DLG5: variants seen among roughly 807,000 people sequenced by gnomAD.
DLG5 encodes discs large MAGUK scaffold protein 5.
DLG5 carries 48 observed loss-of-function variants against 189.8 expected under a neutral mutation model. The ratio of observed to expected loss-of-function variants is 0.25; its 90% CI spans 0.20 to 0.32. The LOEUF is 0.32. Among genes scored for constraint, DLG5 ranks in the 10% least tolerant of loss-of-function variants. The pLI is 1.00. For missense variants in DLG5, 2,160 were observed against 2,544.7 expected, an observed-to-expected ratio of 0.85 and a Z score of 3.25; for synonymous variants, 1,016 against 1,054.1, an observed-to-expected ratio of 0.96 and a Z score of 0.70.
chr10:77,797,821 C>G (rs1233184667), intron 27 of DLG5, among the ~76,000 whole-genome samples: 1 of 152,154 alleles, frequency 6.6e-6, no homozygotes, highest in Non-Finnish European at 1.5e-5. Flanking sequence ...TGAAGAGCAA[C>G]CTGTGGGCAA....
intron 1 of DLG5, among the ~76,000 whole-genome samples, chr10:77,873,171 C>T (rs980562071): frequency 1.1e-4 from 16 of 151,992 alleles, no homozygotes; most frequent in South Asian, 2.1e-4. Flanking sequence ...GAGCTTGAGG[C>T]CAAGTTTAGA....
At chr10:77,931,050 C>A (rs1197820821), upstream of DLG5, among the ~76,000 whole-genome samples, 1 of 151,904 alleles carries the variant, frequency 6.6e-6, no homozygotes, top group Middle Eastern at 3.2e-3. Context: ...GAACTCCCAA[C>A]CTCAGGTGAT....
rs55688664 is a variant in DLG5, at chr10:77,891,573, G to GACACACACAC, written c.305-22386_305-22377dup. Among the ~76,000 whole-genome samples the GACACACACAC allele has an allele frequency of 3.7e-3, 516 of 140,576 alleles. 3 individuals carry two copies. Among genetic ancestry groups the GACACACACAC allele is most frequent in the African/African-American group, 9.2e-3 (347 of 37,820 alleles). 92.2% of individuals were successfully genotyped at this position (140,576 alleles called of 152,430 possible). A position where few individuals can be genotyped will look rare whatever the true frequency, so the allele number is the denominator to read the frequency against. On this transcript the variant is annotated intron_variant, in intron 1 of 31. Transcript: ENST00000372391. ...GTGAGCTCACCTCTGTCCCCCAACA[G>GACACACACAC]ACACACACACACACACACACACACA... is the stretch of plus-strand genomic sequence containing the variant.
At chr10:77,878,985 T>C (rs1000940647) in intron 1 of DLG5, among the ~76,000 whole-genome samples, 1 of 152,212 alleles carries the variant, frequency 6.6e-6, no homozygotes, top group African/African-American at 2.4e-5. Flanking sequence ...GGTGAAGTAC[T>C]GGGATGCAGC....
At position 77,824,426 on chromosome 10, in the gene DLG5, C is replaced by A. The variant is rs140140384; in HGVS notation, c.2340G>T (p.Leu780=). 1,103 of 1,614,080 alleles carry A rather than the reference C, an allele frequency of 6.8e-4. No homozygotes were observed. The highest frequency in any genetic ancestry group is 8.9e-4 in the Non-Finnish European group (1,050 of 1,179,978). ...TCAGGGAGTCCTGGCAGCTGCGCAG[C>A]AGAGATTCACATTCATTCAGAGACT... ...DNKSLNECES[L]LRSCQDSLTL... is the part of the protein sequence containing the mutation. The change falls in exon 14 of 32, where the codon CTG becomes CTT. Residue 780 remains leucine, a synonymous_variant. Coordinates refer to ENST00000372391, the MANE Select transcript of DLG5 (RefSeq NM_004747.4).
chr10:77,810,872 G>A (rs992766672), intron 23 of DLG5, among the ~76,000 whole-genome samples: 2 of 152,092 alleles, frequency 1.3e-5, no homozygotes, highest in African/African-American at 2.4e-5. Context: ...AAGATGCAGG[G>A]GAAAAAACAA....
At chr10:77,802,300 C>A (rs543641158) in intron 27 of DLG5, among the ~76,000 whole-genome samples, 6 of 152,318 alleles carry the variant, frequency 3.9e-5, no homozygotes, top group South Asian at 2.1e-4. Flanking sequence ...ATCTTTAAAG[C>A]ACCCAAGTAA....
chr10:77,873,807 C>T (rs1038103667), intron 1 of DLG5, among the ~76,000 whole-genome samples: 4 of 152,136 alleles, frequency 2.6e-5, no homozygotes, highest in South Asian at 2.1e-4. Flanking sequence ...AGAGAGCTGA[C>T]GGCTCACGGT....
Position 77,811,948 on chromosome 10 carries a change from T to C in DLG5, c.4298A>G (p.Gln1433Arg). 6.2e-7 allele frequency: 1 copy of C among 1,607,844 alleles called. No homozygotes were observed. Among genetic ancestry groups the C allele is most frequent in the South Asian group, 1.1e-5 (1 of 91,058 alleles). Residue 1433 changes from glutamine to arginine, a missense_variant, in exon 22 of 32, where the codon CAG becomes CGG. Gln to Arg is a conservative substitution (Grantham distance 43). Transcript: ENST00000372391. Reference protein sequence around the residue: ...ILAQYNPHVHQLSSHSRSSSH... With the variant: ...ILAQYNPHVHRLSSHSRSSSH... ...CCTGGACCGGGAGTGGCTGCTGAGC[T>C]GGTGCACGTGGGGGTTGTACTGGGC...
At chr10:77,794,164 G>T in intron 30 of DLG5, 47 bp from the exon 31 acceptor site, 1 of 1,553,494 alleles carries the variant, frequency 6.4e-7, no homozygotes, top group Non-Finnish European at 8.9e-7. Flanking sequence ...CCTCCTCCAG[G>T]CCCTCTTTCC....
Position 77,796,456 on chromosome 10 carries a change from G to A in DLG5, c.5303C>T (p.Pro1768Leu). ...GGGTGCCCCGTGCCCCTTACCAAGG[G>A]GACATCTGCAGAACTTGCCAGGAGC... ...NEAPGKFCRC[P>L]LEVMKASQQA... The change falls in exon 28 of 32, where the codon CCC (proline) becomes CTC (leucine). Residue 1768 changes from proline (P) to leucine (L), a missense_variant. By Grantham distance (98) the Pro-to-Leu change is moderately conservative. Around this residue, in one of 5 missense-constraint regions of DLG5, gnomAD observed 574 missense variants for 644.2 expected, o/e 0.89. Coordinates refer to ENST00000372391, the MANE Select transcript of DLG5 (RefSeq NM_004747.4). This position sits in a 1 kb window ranked among gnomAD's most constrained non-coding sequence, Gnocchi z 5.2. 1 of 1,614,166 alleles carries A rather than the reference G, an allele frequency of 6.2e-7. No individual in the cohort carries two copies. Among genetic ancestry groups the A allele is most frequent in the Non-Finnish European group, 8.5e-7 (1 of 1,180,022 alleles).
rs1844076171 is a variant in DLG5 at position 77,853,416 on chromosome 10, T to G, written c.802A>C (p.Met268Leu). 1 of 1,608,548 alleles carries G rather than the reference T, an allele frequency of 6.2e-7. No homozygotes were observed. Among genetic ancestry groups the G allele is most frequent in the Non-Finnish European group, 8.5e-7 (1 of 1,177,408 alleles). ...RNLLQQSWEDMKRLHEEDQKE... is the reference protein window; with the variant it reads ...RNLLQQSWEDLKRLHEEDQKE... ...TGGTCCTCCTCGTGGAGCCGCTTCA[T>G]GTCCTCCCATGACTGCTGCAGCAGG... The change falls in exon 5 of 32, where the codon ATG becomes CTG. Residue 268 changes from methionine to leucine, a missense_variant. By Grantham distance (15) the Met-to-Leu change is conservative. Coordinates refer to ENST00000372391, the MANE Select transcript of DLG5 (RefSeq NM_004747.4).
intron 7 of DLG5, among the ~76,000 whole-genome samples, chr10:77,839,120 G>C (rs535979217): frequency 1.3e-5 from 2 of 152,210 alleles, no homozygotes; most frequent in Non-Finnish European, 2.9e-5. Flanking sequence ...ATTGCTGGAC[G>C]CCAGCACCAC....
intron 1 of DLG5, among the ~76,000 whole-genome samples, chr10:77,886,116 T>TG (rs1458457924): frequency 1.3e-5 from 2 of 152,170 alleles, no homozygotes; most frequent in African/African-American, 4.8e-5. Context: ...TTAAAAATGC[T>TG]GGAAAAAAAT....
Position 77,796,347 on chromosome 10 carries a change from G to T in DLG5, c.5308+104C>A. On this transcript the variant is annotated intron_variant, in intron 28 of 31. Coordinates refer to ENST00000372391, the MANE Select transcript of DLG5 (RefSeq NM_004747.4). This position sits in a 1 kb window ranked among gnomAD's most constrained non-coding sequence, Gnocchi z 5.2. ...AGGCTTCTGGAACACTGTGAAATCT[G>T]CCCCCCGGTACTGCCACCCACTGTG... 6.3e-7 allele frequency: 1 copy of T among 1,587,806 alleles called. No homozygotes were observed. Among genetic ancestry groups the T allele is most frequent in the Non-Finnish European group, 8.6e-7 (1 of 1,163,176 alleles).
chr10:77,892,701 C>T (rs1845645731), intron 1 of DLG5, among the ~76,000 whole-genome samples: 1 of 152,214 alleles, frequency 6.6e-6, no homozygotes, highest in Non-Finnish European at 1.5e-5. Context: ...ATCTCTGCTG[C>T]CCTAGCTTCC....
chr10:77,912,243 ATATC>A (rs1846245914), intron 1 of DLG5: 2 of 150,380 alleles, frequency 1.3e-5, no homozygotes, highest in African/African-American at 4.9e-5. Context: ...TTTTCTATTT[ATATC>A]TATCTATCAA....
chr10:77,893,950 G>A (rs1478947345), intron 1 of DLG5, among the ~76,000 whole-genome samples: 4 of 152,148 alleles, frequency 2.6e-5, no homozygotes, highest in Non-Finnish European at 5.9e-5. Flanking sequence ...CCCACAGGTG[G>A]ACTGATTTTT....
chr10:77,899,349 C>G (rs1019344191), intron 1 of DLG5, among the ~76,000 whole-genome samples: 3 of 152,232 alleles, frequency 2.0e-5, no homozygotes, highest in Non-Finnish European at 4.4e-5. Context: ...AAAGCCTGCT[C>G]CAATTCTCCA....
Sources: gnomAD v4.1 joint callset for allele counts (sites outside exome capture counted in the v4.1 genomes callset) on GRCh38, gnomAD v4.1.1 for gene constraint, gnomAD v4.1.1 regional missense constraint, Gnocchi (gnomAD v3.1) non-coding constraint, MANE v1.5 for transcripts, NCBI Gene and HGNC (gene_info 2026-07-23, HGNC 2026-07-21) for gene names.